The following TENM3 variants were observed in gnomAD, a reference collection of about 807,000 sequenced individuals.
TENM3 encodes teneurin transmembrane protein 3, also known as teneurin-3.
TENM3 carries 63 observed loss-of-function variants against 255.1 expected under a neutral mutation model. The ratio of observed to expected loss-of-function variants is 0.25; its 90% CI spans 0.20 to 0.30. The LOEUF (loss-of-function observed/expected upper bound fraction) is 0.30, where lower values mean the gene tolerates loss of function less well. Ranked by LOEUF, TENM3 falls within the 10% of genes least tolerant of loss-of-function variation. TENM3 has a pLI of 1.00. For synonymous variants in TENM3, 1,306 were observed against 1,322.3 expected (o/e 0.99, Z 0.27); for missense variants, 2,929 against 3,461.1 (o/e 0.85, Z 3.86).
chr4:182,634,255 C>T (rs1751650602), intron 5 of TENM3, among the ~76,000 whole-genome samples: 1 of 152,084 alleles, frequency 6.6e-6, no homozygotes, highest in African/African-American at 2.4e-5. Flanking sequence ...TTTCATTAAA[C>T]TCAAACAGCG....
At chr4:182,329,559 G>C (rs1763626005) in intron 2 of TENM3, among the ~76,000 whole-genome samples, 2 of 152,168 alleles carry the variant, frequency 1.3e-5, no homozygotes. Context: ...CAGGAAGTGG[G>C]ATAAGATGTA....
the TENM3 span, among the ~76,000 whole-genome samples, chr4:182,066,599 AAT>A: frequency 0.12 from 16,261 of 136,872 alleles, 1,066 homozygotes; most frequent in Non-Finnish European, 0.15. Context: ...GTAAAAAAAA[AAT>A]ATATATATAT....
At chr4:181,831,259 C>CA in the TENM3 span, among the ~76,000 whole-genome samples, 5 of 151,580 alleles carry the variant, frequency 3.3e-5, no homozygotes, top group African/African-American at 1.2e-4. Flanking sequence ...TTAAAGATTG[C>CA]AAAAAATTTT....
At chr4:181,871,554 C>G in the TENM3 span, among the ~76,000 whole-genome samples, 1 of 151,952 alleles carries the variant, frequency 6.6e-6, no homozygotes, top group East Asian at 1.9e-4. Flanking sequence ...TTATGTCTTT[C>G]TCTTTACTTA....
chr4:182,396,016 A>C (rs1237885150), intron 3 of TENM3, among the ~76,000 whole-genome samples: 3 of 152,204 alleles, frequency 2.0e-5, no homozygotes, highest in Non-Finnish European at 4.4e-5. Flanking sequence ...TAGAATTGTC[A>C]TTCCATTTCA....
At chr4:181,541,047 C>T in the TENM3 span, among the ~76,000 whole-genome samples, 3 of 152,054 alleles carry the variant, frequency 2.0e-5, no homozygotes, top group South Asian at 2.1e-4. Context: ...TCTGAGAATG[C>T]TTATAAGTGA....
intron 2 of TENM3, among the ~76,000 whole-genome samples, chr4:182,341,688 AT>A (rs1438170820): frequency 3.9e-5 from 6 of 152,208 alleles, no homozygotes; most frequent in Admixed American, 3.9e-4. Flanking sequence ...AGATCAGGTG[AT>A]TTTATTTCTA....
At position 182,792,538 on chromosome 4, in the gene TENM3, C is replaced by G; in HGVS notation, c.5866C>G (p.Leu1956Val). 1 of 1,613,990 alleles carries G rather than the reference C, an allele frequency of 6.2e-7. No individual in the cohort carries two copies. Among genetic ancestry groups the G allele is most frequent in the Admixed American group, 1.7e-5 (1 of 60,020 alleles). The change falls in exon 26 of 28, where the codon CTC becomes GTC. Residue 1956 changes from leucine (L) to valine (V), a missense_variant. Leu to Val is a conservative substitution (Grantham distance 32). Coordinates refer to ENST00000511685, the MANE Select transcript of TENM3 (RefSeq NM_001080477.4). This position sits in a 1 kb window ranked among gnomAD's most constrained non-coding sequence, Gnocchi z 6.3. ...ATTCAAATACAGAAGGCAGACTAGG[C>G]TCTCAGAAATTTTATATGATAGCAC... The part of the protein sequence containing the change: ...VLFKYRRQTR[L>V]SEILYDSTRV...
chr4:182,250,288 A>G (rs374242604), intron 1 of TENM3, among the ~76,000 whole-genome samples: 3,213 of 146,754 alleles, frequency 0.022, 112 homozygotes, highest in African/African-American at 0.081. Flanking sequence ...TCCTGACCTC[A>G]TGATCCACCC....
At chr4:182,082,279 T>C in the TENM3 span, among the ~76,000 whole-genome samples, 1 of 152,168 alleles carries the variant, frequency 6.6e-6, no homozygotes, top group Admixed American at 6.5e-5. Flanking sequence ...AAGGCAGCTC[T>C]CTAGGATCTC....
At chr4:181,981,210 G>A in the TENM3 span, among the ~76,000 whole-genome samples, 15 of 152,002 alleles carry the variant, frequency 9.9e-5, no homozygotes, top group South Asian at 2.1e-4. Context: ...GGGCTGTCTC[G>A]TCTTCCTCAA....
intron 1 of TENM3, among the ~76,000 whole-genome samples, chr4:182,269,580 G>A (rs1304220893): frequency 2.0e-5 from 3 of 151,886 alleles, no homozygotes; most frequent in Admixed American, 2.0e-4. Context: ...GACAAACTCT[G>A]GCTGCCTCCC....
the TENM3 span, among the ~76,000 whole-genome samples, chr4:181,759,623 G>C: frequency 1.3e-5 from 2 of 151,960 alleles, no homozygotes; most frequent in Admixed American, 6.6e-5. Flanking sequence ...AATACAACTG[G>C]ATAAAACCAT....
chr4:182,694,441 T>C (rs902696852), intron 12 of TENM3, among the ~76,000 whole-genome samples: 2 of 152,150 alleles, frequency 1.3e-5, no homozygotes, highest in Admixed American at 6.5e-5. Flanking sequence ...ATCGTGATGA[T>C]GAAAGAAAGG....
At chr4:182,061,969 A>C in the TENM3 span, among the ~76,000 whole-genome samples, 3 of 152,166 alleles carry the variant, frequency 2.0e-5, no homozygotes, top group Non-Finnish European at 4.4e-5. Context: ...ACAAATTAAA[A>C]AATTAGAAAA....
At chr4:182,599,682 T>G (rs565113841) in intron 3 of TENM3, among the ~76,000 whole-genome samples, 71 of 152,334 alleles carry the variant, frequency 4.7e-4, no homozygotes, top group Non-Finnish European at 7.4e-4. Context: ...AATTACAATG[T>G]TAAACTGTGC....
the TENM3 span, among the ~76,000 whole-genome samples, chr4:181,528,087 GA>G: frequency 9.3e-5 from 14 of 150,426 alleles, no homozygotes; most frequent in Non-Finnish European, 1.6e-4. Context: ...TTACCTTTAG[GA>G]AAAAAAACAG....
At chr4:181,685,936 G>A in the TENM3 span, among the ~76,000 whole-genome samples, 1 of 152,060 alleles carries the variant, frequency 6.6e-6, no homozygotes, top group Non-Finnish European at 1.5e-5. Context: ...TTGTTCTCAG[G>A]GTGTTAGTAT....
chr4:182,412,891 A>T (rs1050640557), intron 3 of TENM3, among the ~76,000 whole-genome samples: 3 of 151,738 alleles, frequency 2.0e-5, no homozygotes, highest in African/African-American at 4.8e-5. Flanking sequence ...ATAAGAAATT[A>T]TGAAAACAAA....
Sources: gnomAD v4.1 joint callset for allele counts (sites outside exome capture counted in the v4.1 genomes callset) on GRCh38, gnomAD v4.1.1 for gene constraint, Gnocchi (gnomAD v3.1) non-coding constraint, MANE v1.5 for transcripts, NCBI Gene and HGNC (gene_info 2026-07-23, HGNC 2026-07-21) for gene names.